Variants in FMR1NB observed in about 807,000 individuals in gnomAD.
FMR1NB encodes FMR1 neighbor protein.
A neutral mutation model predicts 16.8 loss-of-function variants in FMR1NB; 10 were observed. The observed-to-expected ratio is 0.60, with a 90% confidence interval of 0.37 to 1.01. The LOEUF is 1.01. Among genes scored for constraint, FMR1NB ranks in the 50% least tolerant of loss-of-function variants. The pLI is 0.01. For synonymous variants in FMR1NB, 83 were observed against 79.1 expected (o/e 1.05, Z -0.26); for missense variants, 205 against 204.8 (o/e 1.00, Z 0.00).
chrX:148,016,026 A>G (rs2044647613), intron 4 of FMR1NB, among the ~76,000 whole-genome samples: 2 of 111,796 alleles, frequency 1.8e-5, no homozygotes, highest in African/African-American at 6.5e-5. Flanking sequence ...GCTATATTCC[A>G]TTGCTGAATT....
intron 1 of FMR1NB, among the ~76,000 whole-genome samples, chrX:148,002,344 A>G (rs12394134): frequency 0.011 from 1,272 of 111,843 alleles, 19 homozygotes; most frequent in African/African-American, 0.039. Flanking sequence ...GAGAGGTGTC[A>G]GAAAACTGGC....
chrX:147,986,382 G>A (rs1827463081), intron 1 of FMR1NB, among the ~76,000 whole-genome samples: 1 of 112,009 alleles, frequency 8.9e-6, no homozygotes, highest in Non-Finnish European at 1.9e-5. Context: ...TTTTAGTCAT[G>A]AAGCCTTTGC....
intron 1 of FMR1NB, among the ~76,000 whole-genome samples, chrX:147,989,633 C>G (rs1375930686): frequency 2.7e-5 from 3 of 112,038 alleles, no homozygotes; most frequent in African/African-American, 9.7e-5. Context: ...CCCCTTTCCT[C>G]GGGTGCTCTG....
chrX:148,005,477 C>T (rs2044591794), intron 2 of FMR1NB, among the ~76,000 whole-genome samples: 1 of 111,022 alleles, frequency 9.0e-6, no homozygotes, highest in Non-Finnish European at 1.9e-5. Context: ...GGAGAAGAGC[C>T]GCTCTGGGCC....
At chrX:147,982,504 G>A (rs781830727) in intron 1 of FMR1NB, among the ~76,000 whole-genome samples, 160 of 103,800 alleles carry the variant, frequency 1.5e-3, no homozygotes, top group African/African-American at 5.6e-3. Context: ...CAGGAGAATT[G>A]CTTGAACCCG....
chrX:147,982,564 G>C (rs1452240395), intron 1 of FMR1NB, among the ~76,000 whole-genome samples: 2 of 97,677 alleles, frequency 2.0e-5, no homozygotes, highest in African/African-American at 7.7e-5. Flanking sequence ...ACTCCAGCCT[G>C]GGCGACAGAG....
intron 1 of FMR1NB, among the ~76,000 whole-genome samples, chrX:147,993,233 A>G (rs1271433147): frequency 2.7e-5 from 3 of 112,784 alleles, no homozygotes; most frequent in African/African-American, 9.6e-5. Flanking sequence ...CGGCCAACAC[A>G]GCGAAACCCC....
intron 4 of FMR1NB, among the ~76,000 whole-genome samples, chrX:148,013,654 C>A (rs1557189846): frequency 9.0e-6 from 1 of 111,664 alleles, no homozygotes; most frequent in African/African-American, 3.3e-5. Flanking sequence ...ATTTTCTGAC[C>A]ATAGTATTCC....
intron 4 of FMR1NB, among the ~76,000 whole-genome samples, chrX:148,018,913 G>C (rs1452489260): frequency 9.0e-6 from 1 of 110,891 alleles, no homozygotes; most frequent in African/African-American, 3.3e-5. Context: ...GAAAATTTTC[G>C]CAACCTACTC....
intron 1 of FMR1NB, among the ~76,000 whole-genome samples, chrX:147,989,546 CCTT>C (rs1557187393): frequency 8.9e-6 from 1 of 112,062 alleles, no homozygotes; most frequent in Non-Finnish European, 1.9e-5. Flanking sequence ...GTAGAACCCT[CCTT>C]GTCAGGGTCC....
chrX:148,005,695 A>G (rs1320464798), intron 2 of FMR1NB, among the ~76,000 whole-genome samples: 1 of 111,797 alleles, frequency 8.9e-6, no homozygotes, highest in African/African-American at 3.3e-5. Flanking sequence ...TTAGTAATAA[A>G]GTGTGTAAAG....
chrX:148,019,551 G>A (rs781976612), intron 4 of FMR1NB, among the ~76,000 whole-genome samples: 4 of 111,298 alleles, frequency 3.6e-5, no homozygotes, highest in South Asian at 7.7e-4. Flanking sequence ...GTCTTTCTTC[G>A]GACAGCTTTC....
intron 2 of FMR1NB, among the ~76,000 whole-genome samples, chrX:148,004,149 T>G (rs924350270): frequency 1.8e-4 from 20 of 112,203 alleles, no homozygotes; most frequent in Admixed American, 1.2e-3. Context: ...AACAAGTTCC[T>G]TAAATAAACT....
rs1416224223 is a variant in FMR1NB at position 148,023,407 on chromosome X, A to C, written c.633-1458A>C. ...ACATTTGTCTTACCTAGTGGAGCTCAGTGTCAACCCAGTAATACAGTTTTA... is the reference window on the plus strand; with the variant it reads ...ACATTTGTCTTACCTAGTGGAGCTCCGTGTCAACCCAGTAATACAGTTTTA... On this transcript the variant is annotated intron_variant, in intron 4 of 5. Coordinates refer to ENST00000370467, the MANE Select transcript of FMR1NB (RefSeq NM_152578.3). Among the ~76,000 whole-genome samples the C allele has an allele frequency of 2.7e-5, 3 of 111,897 alleles. No individual in the cohort carries two copies. The Admixed American group carries it at 2.9e-4, about 11-fold the overall frequency.
rs782801397 is a variant in FMR1NB, at chrX:148,025,021, A to G, written c.*13+8A>G. 1.9e-5 allele frequency: 23 copies of G among 1,202,218 alleles called. No homozygotes were observed. In the East Asian group the frequency reaches 6.8e-4, roughly 36 times the overall value. The stretch of plus-strand genomic sequence containing the variant: ...AGTAGCAAGAGACCAAAGGTAATTG[A>G]CAATAGGATATAAAGTTGAAGTGCT... On this transcript the variant is annotated splice_region_variant and intron_variant, in intron 5 of 5. Coordinates refer to ENST00000370467, the MANE Select transcript of FMR1NB (RefSeq NM_152578.3).
chrX:147,996,592 G>A (rs930370767), intron 1 of FMR1NB, among the ~76,000 whole-genome samples: 3 of 110,465 alleles, frequency 2.7e-5, no homozygotes, highest in African/African-American at 9.9e-5. Flanking sequence ...GCGGGGATGG[G>A]GGGGGCGGGG....
chrX:148,018,802 A>C (rs1318038439), intron 4 of FMR1NB, among the ~76,000 whole-genome samples: 2 of 111,977 alleles, frequency 1.8e-5, no homozygotes, highest in Non-Finnish European at 3.8e-5. Flanking sequence ...AGCAATGACA[A>C]CAAAAGACAA....
At chrX:148,011,088 A>G (rs1038010057) in intron 4 of FMR1NB, among the ~76,000 whole-genome samples, 1 of 110,352 alleles carries the variant, frequency 9.1e-6, no homozygotes, top group Admixed American at 9.7e-5. Context: ...ACATGGTGAA[A>G]CCCTGTCTCT....
At chrX:148,020,210 G>T (rs1251076510) in intron 4 of FMR1NB, among the ~76,000 whole-genome samples, 1 of 111,765 alleles carries the variant, frequency 8.9e-6, no homozygotes, top group East Asian at 2.8e-4. Context: ...AGGGAGTACT[G>T]CCAATGTTCT....
Sources: allele counts gnomAD v4.1 joint callset (sites outside exome capture counted in the v4.1 genomes callset), GRCh38; gene constraint gnomAD v4.1.1; transcripts MANE v1.5; gene names NCBI Gene and HGNC (gene_info 2026-07-23, HGNC 2026-07-21).